Variants in OR3A2 observed in about 807,000 individuals in gnomAD.
OR3A2 encodes olfactory receptor 3A2.
For synonymous variants in OR3A2, 126 were observed against 159.3 expected (o/e 0.79, Z 1.57); for missense variants, 318 against 392.8 (o/e 0.81, Z 1.61).
chr17:3,383,323 G>C (rs1158554067), intron 2 of OR3A2, among the ~76,000 whole-genome samples: 1 of 152,180 alleles, frequency 6.6e-6, no homozygotes, highest in Non-Finnish European at 1.5e-5. Flanking sequence ...AGCCATCAGG[G>C]AACAGAGAGA....
intron 2 of OR3A2, among the ~76,000 whole-genome samples, chr17:3,360,710 C>T (rs1323147589): frequency 6.6e-6 from 1 of 151,630 alleles, no homozygotes; most frequent in Non-Finnish European, 1.5e-5. Flanking sequence ...TCAGGTTTGT[C>T]AAAGATCAGA....
chr17:3,283,729 G>A (rs9905370), intron 1 of OR3A2, among the ~76,000 whole-genome samples: 30,339 of 151,942 alleles, frequency 0.2, 4,047 homozygotes, highest in African/African-American at 0.36. Context: ...TCATGGACCA[G>A]TCCACATCTT....
intron 2 of OR3A2, among the ~76,000 whole-genome samples, chr17:3,350,161 A>G (rs1406892944): frequency 6.6e-6 from 1 of 151,864 alleles, no homozygotes; most frequent in Non-Finnish European, 1.5e-5. Flanking sequence ...AAGCTAGCAG[A>G]AGGCAAGAAA....
At chr17:3,382,874 T>C (rs1362893675) in intron 2 of OR3A2, among the ~76,000 whole-genome samples, 1 of 152,186 alleles carries the variant, frequency 6.6e-6, no homozygotes, top group Non-Finnish European at 1.5e-5. Flanking sequence ...TATTACATTG[T>C]GCCTAGCTGG....
rs977211134 is a variant in OR3A2, at chr17:3,291,535, A to C, written c.-84-12382T>G. 6.7e-6 allele frequency: 6 copies of C among 892,138 alleles called. No homozygotes were observed. The African/African-American group carries it at 1.0e-4, about 15-fold the overall frequency. 55.3% of individuals were successfully genotyped at this position (892,138 alleles called of 1,614,324 possible). A position where few individuals can be genotyped will look rare whatever the true frequency, so the allele number is the denominator to read the frequency against. On this transcript the variant is annotated intron_variant, in intron 3 of 4. Coordinates refer to the OR3A2 transcript ENST00000573491. The stretch of plus-strand genomic sequence containing the variant: ...ACAAAAAGTCCTTCTTATGCCCATG[A>C]AACAGAAACAGGTGTGAACCATTTT...
intron 3 of OR3A2, among the ~76,000 whole-genome samples, chr17:3,323,982 T>C (rs1212081183): frequency 1.3e-5 from 2 of 152,108 alleles, no homozygotes; most frequent in African/African-American, 4.8e-5. Flanking sequence ...CTCCCCGTCA[T>C]TTTCAGGTAC....
chr17:3,330,066 T>A (rs779552476), intron 3 of OR3A2, among the ~76,000 whole-genome samples: 2 of 135,810 alleles, frequency 1.5e-5, no homozygotes, highest in Admixed American at 7.4e-5. Flanking sequence ...ATTGCACTGT[T>A]GTCTGAGAGA....
At chr17:3,323,176 C>A (rs549673300) in intron 3 of OR3A2, among the ~76,000 whole-genome samples, 1 of 152,118 alleles carries the variant, frequency 6.6e-6, no homozygotes, top group Non-Finnish European at 1.5e-5. Flanking sequence ...TTATCAGAGA[C>A]TAGAATTGCA....
At chr17:3,336,398 A>G (rs1230827994) in intron 2 of OR3A2, among the ~76,000 whole-genome samples, 1 of 152,246 alleles carries the variant, frequency 6.6e-6, no homozygotes, top group Non-Finnish European at 1.5e-5. Context: ...CAGGAAAACA[A>G]TAATTTTCAT....
Position 3,371,987 on chromosome 17 carries a change from C to T in OR3A2, c.-179+11817G>A, listed in dbSNP as rs1351872135. Among the ~76,000 whole-genome samples, 72 of 143,858 alleles carry T rather than the reference C, an allele frequency of 5.0e-4. No homozygotes were observed. The East Asian group carries it at 5.1e-3, about 10-fold the overall frequency. The allele number at this position is 143,858 out of a possible 152,430, so 94.4% of individuals were successfully genotyped here. A position where few individuals can be genotyped will look rare whatever the true frequency, so the allele number is the denominator to read the frequency against. ...GCGGAGACGCTCCTCACTTCCCAGACGGGGTGGCTGCCGGGCAGAGGGGCT... is the reference window on the plus strand; with the variant it reads ...GCGGAGACGCTCCTCACTTCCCAGATGGGGTGGCTGCCGGGCAGAGGGGCT... On this transcript the variant is annotated intron_variant, in intron 2 of 4. Transcript: ENST00000573491.
At chr17:3,292,608 G>T in intron 3 of OR3A2, 1 of 1,547,162 alleles carries the variant, frequency 6.5e-7, no homozygotes, top group Non-Finnish European at 8.8e-7. Flanking sequence ...AACATCCAGG[G>T]AGGAAAAGAA....
intron 2 of OR3A2, among the ~76,000 whole-genome samples, chr17:3,377,943 TATATAACA>T (rs1231222457): frequency 2.6e-5 from 4 of 152,092 alleles, no homozygotes; most frequent in African/African-American, 7.2e-5. Flanking sequence ...TGTTCCTAGG[TATATAACA>T]AGGAGAAATG....
At chr17:3,353,426 G>A (rs187096945) in intron 2 of OR3A2, among the ~76,000 whole-genome samples, 6 of 151,890 alleles carry the variant, frequency 4.0e-5, no homozygotes, top group East Asian at 1.9e-4. Context: ...GGACATTCTC[G>A]CTGTATTCTG....
At chr17:3,303,085 G>A (rs1053471751) in intron 3 of OR3A2, among the ~76,000 whole-genome samples, 3 of 152,120 alleles carry the variant, frequency 2.0e-5, no homozygotes, top group Non-Finnish European at 4.4e-5. Flanking sequence ...GAAAGGACAA[G>A]TCTTTCAATA....
chr17:3,352,597 A>T (rs2046919889), intron 2 of OR3A2, among the ~76,000 whole-genome samples: 1 of 151,804 alleles, frequency 6.6e-6, no homozygotes, highest in South Asian at 2.1e-4. Flanking sequence ...ATTATGTTCC[A>T]TTGGTTTATA....
upstream of OR3A2, among the ~76,000 whole-genome samples, chr17:3,288,246 CAAAAA>C: frequency 4.9e-4 from 36 of 73,488 alleles, no homozygotes; most frequent in Admixed American, 9.9e-4. Context: ...ACCAAAAGGG[CAAAAA>C]AAAAAAAAAA....
intron 3 of OR3A2, among the ~76,000 whole-genome samples, chr17:3,315,051 T>G (rs1010991803): frequency 6.6e-6 from 1 of 152,216 alleles, no homozygotes; most frequent in East Asian, 1.9e-4. Context: ...TATTCCATAG[T>G]GTATATGTAC....
At chr17:3,355,313 AT>A (rs2049456861) in intron 2 of OR3A2, among the ~76,000 whole-genome samples, 1 of 151,396 alleles carries the variant, frequency 6.6e-6, no homozygotes, top group Non-Finnish European at 1.5e-5. Context: ...TATTAGGTCT[AT>A]TTGTTCCATG....
chr17:3,280,579 C>T (rs933197455), intron 1 of OR3A2, among the ~76,000 whole-genome samples: 2 of 152,140 alleles, frequency 1.3e-5, no homozygotes, highest in African/African-American at 4.8e-5. Flanking sequence ...GCCCATCTTT[C>T]AGATTTTATA....
Sources: allele counts gnomAD v4.1 joint callset (sites outside exome capture counted in the v4.1 genomes callset), GRCh38; gene constraint gnomAD v4.1.1; transcripts MANE v1.5; gene names NCBI Gene and HGNC (gene_info 2026-07-23, HGNC 2026-07-21).